The following PPARGC1A variants were observed in gnomAD, a reference collection of about 807,000 sequenced individuals.
PPARGC1A encodes peroxisome proliferator-activated receptor gamma coactivator 1-alpha.
PPARGC1A carries 25 observed loss-of-function variants against 88.7 expected under a neutral mutation model. The observed-to-expected ratio is 0.28, with a 90% CI of 0.21 to 0.39. The LOEUF is 0.39. Ranked by LOEUF, PPARGC1A falls within the 10% of genes least tolerant of loss-of-function variation. The pLI is 1.00. For missense variants in PPARGC1A, 880 were observed against 968.7 expected (o/e 0.91, Z 1.22); for synonymous variants, 363 against 355.6 (o/e 1.02, Z -0.24).
rs1455400737 is a variant in PPARGC1A, at chr4:23,794,756, T to C, written c.*1066A>G. 2 of 152,500 alleles carry C rather than the reference T, an allele frequency of 1.3e-5. No individual in the cohort carries two copies. The highest frequency in any genetic ancestry group is 2.4e-5 in the African/African-American group (1 of 41,436). The allele number at this position is 152,500 out of a possible 1,614,324, so 9.4% of individuals were successfully genotyped here. On this transcript the variant is annotated 3_prime_UTR_variant, in exon 13 of 13. Transcript: ENST00000264867. ...TAACATCTGTAAATACTTAACTACA[T>C]CAGAGAATGTAGCAATTACACTATC... is the stretch of plus-strand genomic sequence containing the variant.
At chr4:24,015,264 TGA>T in the PPARGC1A span, among the ~76,000 whole-genome samples, 2,104 of 152,162 alleles carry the variant, frequency 0.014, 39 homozygotes, top group African/African-American at 0.047. Context: ...TAGGTATAGA[TGA>T]GATAGAGATA....
the PPARGC1A span, among the ~76,000 whole-genome samples, chr4:24,274,546 C>A: frequency 2.6e-5 from 4 of 152,236 alleles, no homozygotes; most frequent in African/African-American, 9.6e-5. Context: ...TATTTATCTA[C>A]ACTGAAATTG....
At chr4:24,093,953 A>G in the PPARGC1A span, among the ~76,000 whole-genome samples, 1 of 151,908 alleles carries the variant, frequency 6.6e-6, no homozygotes, top group African/African-American at 2.4e-5. Context: ...CCACAGCAAG[A>G]TAGCATTTCC....
At chr4:23,966,690 A>T in the PPARGC1A span, among the ~76,000 whole-genome samples, 1 of 152,346 alleles carries the variant, frequency 6.6e-6, no homozygotes, top group African/African-American at 2.4e-5. Context: ...GGACTCTCTC[A>T]ACTAATCTGT....
At chr4:24,244,528 C>T in the PPARGC1A span, among the ~76,000 whole-genome samples, 1 of 152,172 alleles carries the variant, frequency 6.6e-6, no homozygotes, top group African/African-American at 2.4e-5. Context: ...GATTCAAACC[C>T]ATGTTCTCTG....
chr4:24,174,380 T>C, the PPARGC1A span, among the ~76,000 whole-genome samples: 1 of 152,232 alleles, frequency 6.6e-6, no homozygotes, highest in East Asian at 1.9e-4. Context: ...TCTCAGTTAA[T>C]AAGTCAGTTA....
At chr4:24,121,075 A>C in the PPARGC1A span, among the ~76,000 whole-genome samples, 4 of 152,180 alleles carry the variant, frequency 2.6e-5, no homozygotes, top group African/African-American at 9.6e-5. Context: ...CATCTGAAAA[A>C]CAGGGGTAGT....
At chr4:24,461,731 AT>A in the PPARGC1A span, among the ~76,000 whole-genome samples, 44 of 152,224 alleles carry the variant, frequency 2.9e-4, no homozygotes, top group African/African-American at 1.0e-3. Flanking sequence ...ATTTAACACA[AT>A]TTAAAAAAAC....
the PPARGC1A span, among the ~76,000 whole-genome samples, chr4:24,059,138 T>G: frequency 6.6e-6 from 1 of 152,184 alleles, no homozygotes; most frequent in Non-Finnish European, 1.5e-5. Flanking sequence ...TAAGAGAAGA[T>G]GCCAATACTG....
chr4:23,960,932 C>G, the PPARGC1A span, among the ~76,000 whole-genome samples: 103 of 152,182 alleles, frequency 6.8e-4, no homozygotes, highest in Middle Eastern at 3.4e-3. Context: ...AGTGAGTGTT[C>G]TCAGCATTAT....
At position 23,794,530 on chromosome 4, in the gene PPARGC1A, AC is replaced by A. The variant is rs1717169520; in HGVS notation, c.*1291del. Reference sequence around the variant, plus strand: ...ACACACACACTGTCTTTTTGTTTTTACAATCAAATATATATAAGCAGTAAGT... The same window carrying A: ...ACACACACACTGTCTTTTTGTTTTTAAATCAAATATATATAAGCAGTAAGT... On this transcript the variant is annotated 3_prime_UTR_variant, in exon 13 of 13. Transcript: ENST00000264867. 1 of 152,532 alleles carries A rather than the reference AC, an allele frequency of 6.6e-6. No homozygotes were observed. Among genetic ancestry groups the A allele is most frequent in the Admixed American group, 6.6e-5 (1 of 15,260 alleles). The allele number at this position is 152,532 out of a possible 1,614,324, so 9.4% of individuals were successfully genotyped here. A position where few individuals can be genotyped will look rare whatever the true frequency, so the allele number is the denominator to read the frequency against.
intron 2 of PPARGC1A, among the ~76,000 whole-genome samples, chr4:23,845,263 A>G (rs1728117280): frequency 6.6e-6 from 1 of 152,080 alleles, no homozygotes; most frequent in Non-Finnish European, 1.5e-5. Flanking sequence ...TCCTATTACA[A>G]CCTGTGAGTT....
At chr4:24,078,981 G>A in the PPARGC1A span, among the ~76,000 whole-genome samples, 1 of 151,932 alleles carries the variant, frequency 6.6e-6, no homozygotes, top group East Asian at 1.9e-4. Flanking sequence ...CTTTATTTCA[G>A]TAAAATACTG....
the PPARGC1A span, among the ~76,000 whole-genome samples, chr4:24,154,023 G>A: frequency 1.8e-3 from 278 of 152,278 alleles, 2 homozygotes; most frequent in African/African-American, 6.5e-3. Context: ...AAAGGACCAT[G>A]GGCAAAGAAA....
At chr4:23,886,494 G>A (rs1348478894) in intron 1 of PPARGC1A, among the ~76,000 whole-genome samples, 1 of 152,072 alleles carries the variant, frequency 6.6e-6, no homozygotes, top group African/African-American at 2.4e-5. Context: ...GGACCCCAGT[G>A]AGATCCCTGG....
the PPARGC1A span, among the ~76,000 whole-genome samples, chr4:24,035,056 A>G: frequency 6.6e-6 from 1 of 152,190 alleles, no homozygotes; most frequent in African/African-American, 2.4e-5. Context: ...GACCACTACT[A>G]GGACTGGATT....
the PPARGC1A span, among the ~76,000 whole-genome samples, chr4:24,175,170 G>A: frequency 1.6e-4 from 24 of 152,034 alleles, no homozygotes; most frequent in Non-Finnish European, 3.4e-4. Context: ...AGACTAAAAT[G>A]GACCCCAAGG....
the PPARGC1A span, among the ~76,000 whole-genome samples, chr4:24,356,688 C>T: frequency 3.9e-5 from 6 of 152,304 alleles, no homozygotes; most frequent in Non-Finnish European, 5.9e-5. Context: ...TCATACCATC[C>T]TCTTTTATCA....
upstream of PPARGC1A, among the ~76,000 whole-genome samples, chr4:23,904,424 C>G (rs927887334): frequency 1.3e-5 from 2 of 152,166 alleles, no homozygotes; most frequent in South Asian, 4.2e-4. Flanking sequence ...TATGATGACA[C>G]TTTATCCCGG....
Sources: allele counts gnomAD v4.1 joint callset (sites outside exome capture counted in the v4.1 genomes callset), GRCh38; gene constraint gnomAD v4.1.1; transcripts MANE v1.5; gene names NCBI Gene and HGNC (gene_info 2026-07-23, HGNC 2026-07-21).